Variants in CPVL observed in about 807,000 individuals in gnomAD.
CPVL encodes carboxypeptidase vitellogenic like, also known as probable serine carboxypeptidase CPVL.
In CPVL, 51 loss-of-function variants were observed where a neutral mutation model predicts 63.7. The observed-to-expected ratio is 0.80, with a 90% confidence interval of 0.64 to 1.01. CPVL has a LOEUF of 1.01. Ranked by LOEUF, CPVL falls within the 50% of genes least tolerant of loss-of-function variation. The pLI, the probability that CPVL is intolerant of heterozygous loss-of-function variation, is 0.00. For synonymous variants in CPVL, 195 were observed against 206.0 expected (o/e 0.95, Z 0.46); for missense variants, 530 against 573.1 (o/e 0.92, Z 0.77).
In CPVL at chr7:29,195,039, C is replaced by CT. The variant is rs902528006; in HGVS notation, c.-448+37dup. On this transcript the variant is annotated intron_variant, in intron 1 of 16. Transcript: ENST00000409850. ...TGCTGCCGCGCCGGGTCTCGCCCCACTGCCCTCGCCCCGCAGCCTGGGATG... is the reference window on the plus strand; with the variant it reads ...TGCTGCCGCGCCGGGTCTCGCCCCACTTGCCCTCGCCCCGCAGCCTGGGATG... 46 of 1,559,398 alleles carry CT rather than the reference C, an allele frequency of 2.9e-5. No homozygotes were observed. The African/African-American group carries it at 6.0e-4, about 20-fold the overall frequency.
At chr7:29,164,907 T>C (rs1291180157) in intron 5 of CPVL, among the ~76,000 whole-genome samples, 1 of 152,166 alleles carries the variant, frequency 6.6e-6, no homozygotes, top group African/African-American at 2.4e-5. Context: ...GATCTTTGTA[T>C]ATCTATCATT....
chr7:29,123,463 C>T (rs1260632044), intron 1 of CPVL, among the ~76,000 whole-genome samples: 1 of 151,070 alleles, frequency 6.6e-6, no homozygotes, highest in African/African-American at 2.4e-5. Flanking sequence ...CCAAGAAGCC[C>T]CAGGGTAATG....
chr7:29,148,274 A>G (rs1462675454), upstream of CPVL, among the ~76,000 whole-genome samples: 1 of 152,200 alleles, frequency 6.6e-6, no homozygotes, highest in Non-Finnish European at 1.5e-5. Flanking sequence ...ACCTGTGCCC[A>G]CGTGGAACCA....
chr7:29,112,615 A>T, intron 3 of CPVL, 89 bp downstream of exon 3: 68 of 736,326 alleles, frequency 9.2e-5, no homozygotes, highest in Non-Finnish European at 1.2e-4. Context: ...ATTTTTTTTT[A>T]AAGACCTGTA....
rs10568146 is a variant in CPVL, at chr7:29,103,180, T to TGGGG, written c.289-6967_289-6964dup. ...TCACTGAAACAGTAAGTTAATATAC[T>TGGGG]GGGGGGGGGGGGGGGGTGCTAAAAA... On this transcript the variant is annotated intron_variant, in intron 3 of 12. Coordinates refer to ENST00000265394, the MANE Select transcript of CPVL (RefSeq NM_031311.5). Among the ~76,000 whole-genome samples, 92 of 56,138 alleles carry TGGGG rather than the reference T, an allele frequency of 1.6e-3. 6 individuals are homozygous for TGGGG. Among genetic ancestry groups the TGGGG allele is most frequent in the Non-Finnish European group, 2.8e-3 (79 of 28,360 alleles). The allele number at this position is 56,138 out of a possible 152,430, so 36.8% of individuals were successfully genotyped here. A position where few individuals can be genotyped will look rare whatever the true frequency, so the allele number is the denominator to read the frequency against.
intron 12 of CPVL, among the ~76,000 whole-genome samples, chr7:29,002,528 A>G (rs1184265173): frequency 6.6e-6 from 1 of 152,210 alleles, no homozygotes. Flanking sequence ...ACAAAGAACA[A>G]GAGCAATGAC....
intron 4 of CPVL, among the ~76,000 whole-genome samples, chr7:29,181,799 A>G (rs1458504752): frequency 6.6e-6 from 1 of 152,214 alleles, no homozygotes; most frequent in African/African-American, 2.4e-5. Flanking sequence ...TTCCACATGA[A>G]TGTTCATATT....
intron 1 of CPVL, chr7:29,192,623 CA>C (rs1374427381): frequency 1.3e-5 from 2 of 152,248 alleles, no homozygotes; most frequent in Non-Finnish European, 2.9e-5. Flanking sequence ...AACTTACAAT[CA>C]CTTTGGAACA....
intron 1 of CPVL, among the ~76,000 whole-genome samples, chr7:29,135,336 T>C (rs1791092764): frequency 9.1e-6 from 1 of 110,318 alleles, no homozygotes; most frequent in African/African-American, 3.1e-5. Context: ...TTGTATTAGA[T>C]TTTTTTTTTT....
chr7:29,071,708 C>CCG, intron 9 of CPVL, 65 bp downstream of exon 9: 7 of 714,240 alleles, frequency 9.8e-6, no homozygotes, highest in Non-Finnish European at 1.2e-5. Flanking sequence ...TGTTCCTGCT[C>CCG]ACCCGCCCTC....
chr7:29,001,180 C>A (rs1470858413), intron 12 of CPVL: 1 of 152,168 alleles, frequency 6.6e-6, no homozygotes, highest in East Asian at 1.9e-4. Context: ...CTCTACCCAT[C>A]CCCAACAAAT....
chr7:29,185,148 C>T (rs902054138), intron 3 of CPVL, among the ~76,000 whole-genome samples: 1 of 152,162 alleles, frequency 6.6e-6, no homozygotes, highest in Admixed American at 6.5e-5. Context: ...CATCACCTTT[C>T]AACCCCATCT....
intron 1 of CPVL, among the ~76,000 whole-genome samples, chr7:29,129,282 G>A (rs1036871558): frequency 3.9e-5 from 6 of 152,128 alleles, no homozygotes; most frequent in African/African-American, 1.4e-4. Flanking sequence ...AGACATAATG[G>A]CTAAGGGAAA....
chr7:29,095,248 T>A, intron 4 of CPVL, 106 bp from the exon 5 acceptor site: 1 of 885,118 alleles, frequency 1.1e-6, no homozygotes, highest in Admixed American at 1.8e-5. Context: ...CATGAGCTGT[T>A]GGCGTACCCT....
chr7:29,142,139 G>C (rs116819207), intron 1 of CPVL, among the ~76,000 whole-genome samples: 16 of 152,322 alleles, frequency 1.1e-4, no homozygotes, highest in African/African-American at 3.8e-4. Context: ...TACTAGTGCA[G>C]ATATGGTCTT....
chr7:29,163,671 T>C (rs969878860), intron 5 of CPVL, among the ~76,000 whole-genome samples: 1 of 152,198 alleles, frequency 6.6e-6, no homozygotes, highest in Non-Finnish European at 1.5e-5. Context: ...ACAAACATTC[T>C]CATTGCCCCC....
intron 12 of CPVL, among the ~76,000 whole-genome samples, chr7:29,014,193 G>C (rs1200391156): frequency 1.3e-5 from 2 of 152,196 alleles, no homozygotes; most frequent in East Asian, 3.8e-4. Flanking sequence ...AGTGGACAGA[G>C]GAACTTTGCC....
intron 1 of CPVL, among the ~76,000 whole-genome samples, chr7:29,141,826 A>T (rs938377063): frequency 1.9e-4 from 29 of 151,910 alleles, no homozygotes; most frequent in African/African-American, 6.8e-4. Flanking sequence ...GAGGCAGGAG[A>T]ATCACTTGAA....
chr7:29,059,076 C>G (rs964553711), intron 11 of CPVL, among the ~76,000 whole-genome samples: 1 of 151,964 alleles, frequency 6.6e-6, no homozygotes, highest in South Asian at 2.1e-4. Flanking sequence ...ACAGTTAAGG[C>G]TATTCAAAAA....
Sources: gnomAD v4.1 joint callset for allele counts (sites outside exome capture counted in the v4.1 genomes callset) on GRCh38, gnomAD v4.1.1 for gene constraint, MANE v1.5 for transcripts, NCBI Gene and HGNC (gene_info 2026-07-23, HGNC 2026-07-21) for gene names.